The following ADAM12 variants were observed in gnomAD, a reference collection of about 807,000 sequenced individuals.
ADAM12 encodes the protein disintegrin and metalloproteinase domain-containing protein 12.
ADAM12 carries 70 observed loss-of-function variants against 106.4 expected under a neutral mutation model. The observed-to-expected ratio is 0.66, with a 90% CI of 0.54 to 0.80. The LOEUF (loss-of-function observed/expected upper bound fraction) is 0.80, where lower values mean the gene tolerates loss of function less well. ADAM12 is among the 30% of genes least tolerant of loss of function. ADAM12 has a pLI of 0.00. For synonymous variants in ADAM12, 420 were observed against 433.5 expected (o/e 0.97, Z 0.39); for missense variants, 1,010 against 1,171.9 (o/e 0.86, Z 2.02).
intron 14 of ADAM12, among the ~76,000 whole-genome samples, chr10:126,058,560 C>T (rs1241713915): frequency 6.6e-6 from 1 of 152,182 alleles, no homozygotes; most frequent in Non-Finnish European, 1.5e-5. Flanking sequence ...AGCAGGGAAA[C>T]CAAAGGGGGC....
chr10:126,041,452 G>A, intron 18 of ADAM12: 1 of 985,672 alleles, frequency 1.0e-6, no homozygotes, highest in Non-Finnish European at 1.2e-6. Flanking sequence ...AAGGGTTGGT[G>A]ACTCTGTGGG....
chr10:126,386,255 G>A (rs1363854397), intron 1 of ADAM12, among the ~76,000 whole-genome samples: 2 of 152,168 alleles, frequency 1.3e-5, no homozygotes, highest in Non-Finnish European at 2.9e-5. Flanking sequence ...GCCCCAGAAA[G>A]TACCAAGTAG....
chr10:126,068,088 T>C (rs1039916335), intron 12 of ADAM12, among the ~76,000 whole-genome samples: 1 of 152,206 alleles, frequency 6.6e-6, no homozygotes, highest in South Asian at 2.1e-4. Context: ...GAATGCGTAA[T>C]ATATACAATA....
At chr10:126,100,778 C>T (rs1481069423) in intron 9 of ADAM12, among the ~76,000 whole-genome samples, 1 of 152,068 alleles carries the variant, frequency 6.6e-6, no homozygotes, top group East Asian at 1.9e-4. Context: ...CTTTACATCA[C>T]AGCTAAAATC....
chr10:126,350,578 G>A (rs2133885671), intron 1 of ADAM12, among the ~76,000 whole-genome samples: 1 of 152,336 alleles, frequency 6.6e-6, no homozygotes, highest in South Asian at 2.1e-4. Flanking sequence ...CCATCTCTTG[G>A]AGCATTTTCC....
chr10:126,042,041 CAG>C lies in ADAM12; in HGVS notation c.2104+997_2104+998del, dbSNP rs539723273. 3.7e-4 allele frequency: 566 copies of C among 1,516,140 alleles called. No individual in the cohort carries two copies. In the African/African-American group the frequency reaches 6.2e-3, roughly 17 times the overall value. 93.9% of individuals were successfully genotyped at this position (1,516,140 alleles called of 1,614,324 possible). ...TGTCATGGAAACGATGGCAAAGCCACAGAGTCAATGCTGCCAGTCACAGGAGG... is the reference window on the plus strand; with the variant it reads ...TGTCATGGAAACGATGGCAAAGCCACAGTCAATGCTGCCAGTCACAGGAGG... On this transcript the variant is annotated intron_variant, in intron 18 of 22. Transcript: ENST00000448723.
chr10:126,345,197 C>T (rs546823511), intron 1 of ADAM12, among the ~76,000 whole-genome samples: 5 of 152,274 alleles, frequency 3.3e-5, no homozygotes, highest in Admixed American at 1.3e-4. Flanking sequence ...AGATACATCC[C>T]ATCAATACCT....
At chr10:126,293,140 G>T (rs1016906982) in intron 2 of ADAM12, among the ~76,000 whole-genome samples, 1 of 152,212 alleles carries the variant, frequency 6.6e-6, no homozygotes, top group Non-Finnish European at 1.5e-5. Flanking sequence ...CAAAGTGGGC[G>T]CCATCCAGTG....
chr10:126,022,533 A>C (rs1468330874), intron 21 of ADAM12, among the ~76,000 whole-genome samples: 3 of 152,246 alleles, frequency 2.0e-5, no homozygotes, highest in Admixed American at 2.0e-4. Flanking sequence ...GACATTAGGC[A>C]TGGAGGTGTG....
At chr10:126,156,636 G>A (rs1956820660) in intron 3 of ADAM12, among the ~76,000 whole-genome samples, 1 of 152,210 alleles carries the variant, frequency 6.6e-6, no homozygotes, top group African/African-American at 2.4e-5. Flanking sequence ...CAAGAACCTG[G>A]ACATCCTCCA....
intron 2 of ADAM12, among the ~76,000 whole-genome samples, chr10:126,312,144 A>AC (rs1564725817): frequency 6.6e-6 from 1 of 151,718 alleles, no homozygotes; most frequent in African/African-American, 2.4e-5. Context: ...AAAAAAAAAA[A>AC]AAAAAAAACC....
At chr10:126,142,089 C>T (rs1956522918) in intron 4 of ADAM12, among the ~76,000 whole-genome samples, 1 of 152,198 alleles carries the variant, frequency 6.6e-6, no homozygotes, top group South Asian at 2.1e-4. Context: ...CCCTCCATAC[C>T]TGGCTGTCAG....
chr10:126,243,867 G>A (rs1334512373), intron 3 of ADAM12, among the ~76,000 whole-genome samples: 3 of 152,176 alleles, frequency 2.0e-5, no homozygotes, highest in Non-Finnish European at 4.4e-5. Context: ...CATTGACAAC[G>A]GGGAATGTGA....
chr10:126,157,773 C>T (rs1188782097), intron 3 of ADAM12, among the ~76,000 whole-genome samples: 3 of 152,214 alleles, frequency 2.0e-5, no homozygotes, highest in African/African-American at 7.2e-5. Context: ...TCTAAGCTCA[C>T]CTCCTCTGAG....
intron 3 of ADAM12, among the ~76,000 whole-genome samples, chr10:126,223,936 G>A (rs1049216761): frequency 1.3e-5 from 2 of 152,198 alleles, no homozygotes; most frequent in African/African-American, 4.8e-5. Flanking sequence ...TATAGATGAG[G>A]AAACTGCTAC....
intron 1 of ADAM12, among the ~76,000 whole-genome samples, chr10:126,344,040 T>C (rs1855043696): frequency 6.6e-6 from 1 of 152,254 alleles, no homozygotes; most frequent in Non-Finnish European, 1.5e-5. Flanking sequence ...ATCTCATTTG[T>C]CAATTTTGGC....
rs367910859 is a variant in ADAM12, at chr10:126,213,111, GATA to G, written c.261-57809_261-57807del. Among the ~76,000 whole-genome samples, 189 of 152,258 alleles carry G rather than the reference GATA, an allele frequency of 1.2e-3. 4 individuals carry two copies. In the South Asian group the frequency reaches 0.038, roughly 30 times the overall value. On this transcript the variant is annotated intron_variant, in intron 3 of 22. Coordinates refer to ENST00000448723, the MANE Select transcript of ADAM12 (RefSeq NM_001288973.2). ...GTCGTATCCAGCACAGTGTTGAGCAGATAATAAGTGCTCAATAAATACCTGTAG... is the reference window on the plus strand; with the variant it reads ...GTCGTATCCAGCACAGTGTTGAGCAGATAAGTGCTCAATAAATACCTGTAG...
intron 21 of ADAM12, among the ~76,000 whole-genome samples, chr10:126,032,644 A>G (rs1226959701): frequency 1.3e-5 from 2 of 152,112 alleles, no homozygotes; most frequent in Admixed American, 6.5e-5. Context: ...AAAGTTCAGG[A>G]TGAGGGGTAC....
intron 2 of ADAM12, among the ~76,000 whole-genome samples, chr10:126,289,354 G>C (rs1960039582): frequency 6.6e-6 from 1 of 152,248 alleles, no homozygotes; most frequent in Non-Finnish European, 1.5e-5. Context: ...GCCGAGGCCG[G>C]GATGAGTCTT....
Sources: allele counts gnomAD v4.1 joint callset (sites outside exome capture counted in the v4.1 genomes callset), GRCh38; gene constraint gnomAD v4.1.1; transcripts MANE v1.5; gene names NCBI Gene and HGNC (gene_info 2026-07-23, HGNC 2026-07-21).